BAHCC1: variants seen among roughly 807,000 people sequenced by gnomAD.
BAHCC1 encodes BAH domain and coiled-coil containing 1, also known as BAH and coiled-coil domain-containing protein 1.
Under a neutral mutation model 88.2 loss-of-function variants are expected in BAHCC1, and 43 were observed. The observed-to-expected ratio is 0.49, with a 90% CI of 0.38 to 0.63. BAHCC1 has a LOEUF of 0.63. BAHCC1 is among the 20% of genes least tolerant of loss of function. BAHCC1 has a pLI of 0.00. For synonymous variants in BAHCC1, 1,510 were observed against 745.5 expected (o/e 2.03, Z -16.71); for missense variants, 3,023 against 1,654.8 (o/e 1.83, Z -14.34).
intron 2 of BAHCC1, among the ~76,000 whole-genome samples, chr17:81,408,880 C>T (rs181670395): frequency 1.3e-5 from 2 of 152,340 alleles, no homozygotes; most frequent in Admixed American, 1.3e-4. Context: ...CTGTCCCTTC[C>T]TATCCCCAGA....
At position 81,445,445 on chromosome 17, in the gene BAHCC1, C is replaced by T. The variant is rs201803374; in HGVS notation, c.2927C>T (p.Thr976Met). 361 of 766,660 alleles carry T rather than the reference C, an allele frequency of 4.7e-4. No individual in the cohort carries two copies. In the African/African-American group the frequency reaches 5.2e-3, roughly 11 times the overall value. The allele number at this position is 766,660 out of a possible 1,614,324, so 47.5% of individuals were successfully genotyped here. A position where few individuals can be genotyped will look rare whatever the true frequency, so the allele number is the denominator to read the frequency against. ...CACAAGCCAGTTGCCTTAACCCCCA[C>T]GGCCCCGGGCGCCCCCTCACCCGCT... ...STHKPVALTP[T>M]APGAPSPAAG... The change falls in exon 10 of 28, where the codon ACG (threonine) becomes ATG (methionine). Residue 976 changes from threonine (T) to methionine (M), a missense_variant. Transcript: ENST00000675386.
Position 81,456,318 on chromosome 17 carries a change from A to G in BAHCC1, c.4591A>G (p.Ser1531Gly), listed in dbSNP as rs952118439. The G allele has an allele frequency of 1.4e-6, 1 of 719,844 alleles. No homozygotes were observed. Among genetic ancestry groups the G allele is most frequent in the Admixed American group, 2.0e-5 (1 of 50,234 alleles). 44.6% of individuals were successfully genotyped at this position (719,844 alleles called of 1,614,324 possible). Residue 1531 changes from serine to glycine, a missense_variant, in exon 16 of 28, where the codon AGC becomes GGC. Transcript: ENST00000675386. ...ASVEKAQCKK[S>G]SCQGGLAPSV... ...ACAGGAGAAGGCGCAGTGTAAGAAG[A>G]GCAGCTGTCAGGGCGGGCTGGCGCC...
chr17:81,457,447 G>T lies in BAHCC1; in HGVS notation c.4896G>T (p.Leu1632=). ...GYDSEDCEGL[L]GTEAPPREAG... ...ACAGTGAGGACTGCGAGGGTCTCCT[G>T]GGGACAGAGGCACCACCCAGGGAAG... The change falls in exon 17 of 28, where the codon CTG becomes CTT. Residue 1632 remains leucine, a synonymous_variant. Transcript: ENST00000675386. 1 of 772,382 alleles carries T rather than the reference G, an allele frequency of 1.3e-6. No individual in the cohort carries two copies. Among genetic ancestry groups the T allele is most frequent in the Non-Finnish European group, 2.4e-6 (1 of 414,866 alleles). 47.8% of individuals were successfully genotyped at this position (772,382 alleles called of 1,614,324 possible). A position where few individuals can be genotyped will look rare whatever the true frequency, so the allele number is the denominator to read the frequency against.
chr17:81,405,505 C>T (rs2063867208), intron 2 of BAHCC1, among the ~76,000 whole-genome samples: 1 of 152,120 alleles, frequency 6.6e-6, no homozygotes, highest in South Asian at 2.1e-4. Context: ...ATCTGCCTCC[C>T]CCGCCCCCAA....
intron 11 of BAHCC1, among the ~76,000 whole-genome samples, chr17:81,451,405 C>T (rs995445587): frequency 2.6e-5 from 4 of 152,192 alleles, no homozygotes; most frequent in Admixed American, 6.5e-5. Flanking sequence ...TGGGGCCTGT[C>T]TTGCTCTGTG....
chr17:81,442,444 C>A lies in BAHCC1; in HGVS notation c.1095C>A (p.Pro365=). Residue 365 remains proline, a synonymous_variant, in exon 5 of 28, where the codon CCC becomes CCA. Transcript: ENST00000675386. The part of the protein sequence containing the change: ...PPLSTAAGSF[P]CLQLHGGPDG... The stretch of plus-strand genomic sequence containing the variant: ...TCAGCACAGCCGCCGGCTCCTTCCC[C>A]TGCCTGCAGCTGCACGGGGGCCCTG... 1.4e-6 allele frequency: 1 copy of A among 711,424 alleles called. No homozygotes were observed. The highest frequency in any genetic ancestry group is 2.7e-5 in the East Asian group (1 of 37,464). The allele number at this position is 711,424 out of a possible 1,614,324, so 44.1% of individuals were successfully genotyped here.
At chr17:81,421,911 G>A (rs1173070605) in intron 2 of BAHCC1, 2 of 401,966 alleles carry the variant, frequency 5.0e-6, no homozygotes, top group Non-Finnish European at 1.0e-5. Context: ...GACCCCATGT[G>A]ATACTGGAGA....
At chr17:81,430,868 T>TG (rs2064252365) in intron 3 of BAHCC1, among the ~76,000 whole-genome samples, 1 of 151,970 alleles carries the variant, frequency 6.6e-6, no homozygotes, top group African/African-American at 2.4e-5. Flanking sequence ...CACATCTATG[T>TG]GGGGGGTGTG....
chr17:81,445,562 C>A lies in BAHCC1; in HGVS notation c.3044C>A (p.Pro1015Gln). The A allele has an allele frequency of 1.4e-6, 1 of 723,904 alleles. No homozygotes were observed. The highest frequency in any genetic ancestry group is 2.6e-6 in the Non-Finnish European group (1 of 389,774). The allele number at this position is 723,904 out of a possible 1,614,324, so 44.8% of individuals were successfully genotyped here. A position where few individuals can be genotyped will look rare whatever the true frequency, so the allele number is the denominator to read the frequency against. The change falls in exon 10 of 28, where the codon CCG (proline) becomes CAG (glutamine). Residue 1015 changes from proline to glutamine, a missense_variant. Coordinates refer to ENST00000675386, the MANE Select transcript of BAHCC1 (RefSeq NM_001377448.1). ...SPTPPPRPSA[P>Q]CTLNVCPASS... The stretch of plus-strand genomic sequence containing the variant: ...ACCCCACCACCTCGGCCCAGCGCCC[C>A]GTGCACTTTAAATGTCTGCCCTGCC...
intron 2 of BAHCC1, among the ~76,000 whole-genome samples, chr17:81,400,313 C>T (rs2063798560): frequency 6.6e-6 from 1 of 152,234 alleles, no homozygotes; most frequent in Admixed American, 6.5e-5. Flanking sequence ...GGAAACAAAA[C>T]GGCTGTTGTG....
chr17:81,415,690 G>C, intron 2 of BAHCC1: 1 of 386,368 alleles, frequency 2.6e-6, no homozygotes, highest in South Asian at 2.0e-5. Context: ...TCGGTGGGAG[G>C]TGGAGCTCTC....
At chr17:81,400,080 C>G (rs1283985515) in intron 2 of BAHCC1, among the ~76,000 whole-genome samples, 163 bp downstream of exon 2, 5 of 152,074 alleles carry the variant, frequency 3.3e-5, no homozygotes, top group East Asian at 3.9e-4. Context: ...CGCCAGCCCC[C>G]CAAGCTGCGT....
In BAHCC1 at chr17:81,461,084, G is replaced by T. The variant is rs782680222; in HGVS notation, c.6421G>T (p.Val2141Leu). Residue 2141 changes from valine to leucine, a missense_variant, in exon 26 of 28, where the codon GTG (valine) becomes TTG (leucine). Val to Leu is a conservative substitution (Grantham distance 32, BLOSUM62 1). Coordinates refer to ENST00000675386, the MANE Select transcript of BAHCC1 (RefSeq NM_001377448.1). ...GCGGGCCCGCGAGGCCCTGTTCCCC[G>T]TGCACAGCGTGGCCACACCCATATT... ...KLRAREALFP[V>L]HSVATPIFGN... is the part of the protein sequence containing the mutation. The T allele has an allele frequency of 2.6e-6, 2 of 768,716 alleles. No individual in the cohort carries two copies. The highest frequency in any genetic ancestry group is 2.7e-5 in the South Asian group (2 of 74,284). The allele number at this position is 768,716 out of a possible 1,614,324, so 47.6% of individuals were successfully genotyped here.
At chr17:81,427,410 C>T (rs1418278334) in intron 3 of BAHCC1, among the ~76,000 whole-genome samples, 1 of 152,168 alleles carries the variant, frequency 6.6e-6, no homozygotes, top group Non-Finnish European at 1.5e-5. Context: ...TCAGCGCACA[C>T]AGGCTGCCAC....
chr17:81,460,368 G>A lies in BAHCC1; in HGVS notation c.5997G>A (p.Arg1999=), dbSNP rs782293037. The A allele has an allele frequency of 6.5e-6, 5 of 771,558 alleles. No individual in the cohort carries two copies. The highest frequency in any genetic ancestry group is 7.2e-6 in the Non-Finnish European group (3 of 414,152). The allele number at this position is 771,558 out of a possible 1,614,324, so 47.8% of individuals were successfully genotyped here. A position where few individuals can be genotyped will look rare whatever the true frequency, so the allele number is the denominator to read the frequency against. ...DTGHIAVSNV[R]LLPPDFKIQC... is the part of the protein sequence containing the mutation. ...GCCACATCGCCGTCTCCAACGTCAG[G>A]CTGCTGCCCCCTGACTTCAAGATCC... The change falls in exon 24 of 28, where the codon AGG becomes AGA. Residue 1999 remains arginine (R), a synonymous_variant. Transcript: ENST00000675386.
chr17:81,443,673 C>T (rs1320095737), intron 5 of BAHCC1, 109 bp downstream of exon 5: 20 of 635,618 alleles, frequency 3.1e-5, no homozygotes, highest in Non-Finnish European at 5.4e-5. Context: ...TTGGCAGACC[C>T]TCCGAGGCCC....
rs2143522119 is a variant in BAHCC1, at chr17:81,443,307, T to C, written c.1958T>C (p.Val653Ala). Residue 653 changes from valine (V) to alanine (A), a missense_variant, in exon 5 of 28, where the codon GTG (valine) becomes GCG (alanine). Coordinates refer to ENST00000675386, the MANE Select transcript of BAHCC1 (RefSeq NM_001377448.1). ...ALVVGQKAPL[V>A]GLGGLKASCI... ...GTGGTGGGCCAGAAAGCACCCTTGG[T>C]GGGCCTGGGTGGCCTCAAGGCCAGC... 1 of 779,272 alleles carries C rather than the reference T, an allele frequency of 1.3e-6. No homozygotes were observed. The highest frequency in any genetic ancestry group is 2.4e-6 in the Non-Finnish European group (1 of 417,832). The allele number at this position is 779,272 out of a possible 1,614,324, so 48.3% of individuals were successfully genotyped here.
At chr17:81,416,460 G>GGTGTGTGTGT (rs151241907) in intron 2 of BAHCC1, among the ~76,000 whole-genome samples, 4 of 122,328 alleles carry the variant, frequency 3.3e-5, no homozygotes, top group South Asian at 2.6e-4. Context: ...GTCCATTGAG[G>GGTGTGTGTGT]GTGTGTGTGT....
chr17:81,440,073 G>A (rs2064390180), intron 4 of BAHCC1, among the ~76,000 whole-genome samples: 1 of 152,130 alleles, frequency 6.6e-6, no homozygotes, highest in Non-Finnish European at 1.5e-5. Flanking sequence ...CCCACCCAGG[G>A]GATTCAGCTC....
Sources: gnomAD v4.1 joint callset for allele counts (sites outside exome capture counted in the v4.1 genomes callset) on GRCh38, gnomAD v4.1.1 for gene constraint, MANE v1.5 for transcripts, NCBI Gene and HGNC (gene_info 2026-07-23, HGNC 2026-07-21) for gene names.